Variants in PITPNB observed in about 807,000 individuals in gnomAD.
The protein encoded by PITPNB is phosphatidylinositol transfer protein beta isoform.
A neutral mutation model predicts 45.9 loss-of-function variants in PITPNB; 16 were observed. The ratio of observed to expected loss-of-function variants is 0.35; its 90% CI spans 0.24 to 0.53. PITPNB has a LOEUF of 0.53. PITPNB is among the 20% of genes least tolerant of loss of function. PITPNB has a pLI of 0.93. For missense variants in PITPNB, 188 were observed against 330.5 expected (o/e 0.57, Z 3.34); for synonymous variants, 112 against 108.9 (o/e 1.03, Z -0.18).
chr22:27,911,270 C>T (rs188144209), intron 2 of PITPNB, among the ~76,000 whole-genome samples, 161 bp from the exon 3 acceptor site: 20 of 152,254 alleles, frequency 1.3e-4, no homozygotes, highest in Admixed American at 1.2e-3. Context: ...GAAATTAATA[C>T]GTTTAGGAAG....
At chr22:27,907,212 T>C (rs1227353280) in intron 3 of PITPNB, among the ~76,000 whole-genome samples, 1 of 152,254 alleles carries the variant, frequency 6.6e-6, no homozygotes, top group Non-Finnish European at 1.5e-5. Flanking sequence ...ACTATGGGTA[T>C]GTCTTCAGCA....
chr22:27,883,019 G>C (rs1050153048), intron 7 of PITPNB, among the ~76,000 whole-genome samples: 1 of 152,204 alleles, frequency 6.6e-6, no homozygotes, highest in Non-Finnish European at 1.5e-5. Flanking sequence ...ACATCTTTGG[G>C]TGTCCAATCC....
At chr22:27,894,382 C>A in intron 7 of PITPNB, 173 bp downstream of exon 7, 1 of 473,144 alleles carries the variant, frequency 2.1e-6, no homozygotes, top group Non-Finnish European at 3.8e-6. Flanking sequence ...TTACTCTGGT[C>A]TCTTTGCTGC....
At position 27,897,902 on chromosome 22, in the gene PITPNB, G is replaced by T. The variant is rs756918353; in HGVS notation, c.198-10C>A. On this transcript the variant is annotated splice_polypyrimidine_tract_variant and intron_variant, in intron 3 of 11. Coordinates refer to ENST00000335272, the MANE Select transcript of PITPNB (RefSeq NM_012399.5). ...GAATGCAGGCACTTTGCTGGGAGAA[G>T]AGAGATACTGGATATATTTAACAGC... is the stretch of plus-strand genomic sequence containing the variant. 2.6e-6 allele frequency: 4 copies of T among 1,566,580 alleles called. No individual in the cohort carries two copies. Among genetic ancestry groups the T allele is most frequent in the Non-Finnish European group, 3.5e-6 (4 of 1,136,774 alleles).
At chr22:27,871,304 C>G (rs1318209505) in intron 8 of PITPNB, among the ~76,000 whole-genome samples, 1 of 152,178 alleles carries the variant, frequency 6.6e-6, no homozygotes, top group Non-Finnish European at 1.5e-5. Context: ...AGGATCTGAG[C>G]CCAAACATAA....
intron 3 of PITPNB, among the ~76,000 whole-genome samples, chr22:27,903,286 A>G (rs2146413536): frequency 6.6e-6 from 1 of 152,046 alleles, no homozygotes; most frequent in East Asian, 1.9e-4. Context: ...CCTGACCAAC[A>G]TGGAGAAACC....
rs190017427 is a variant in PITPNB, at chr22:27,907,240, A to G, written c.197+3724T>C. 3.9e-3 allele frequency among the ~76,000 whole-genome samples: 596 copies of G among 152,354 alleles called. 2 individuals are homozygous for G. The highest frequency in any genetic ancestry group is 0.01 in the Middle Eastern group (3 of 294). ...CTTCAGCATGCTGAGATGATGCCCT[A>G]AAGAAAACTGTGAGTCTCATGGGGC... is the stretch of plus-strand genomic sequence containing the variant. On this transcript the variant is annotated intron_variant, in intron 3 of 11. Transcript: ENST00000335272.
chr22:27,913,505 T>C (rs1935994080), intron 2 of PITPNB, among the ~76,000 whole-genome samples: 1 of 152,350 alleles, frequency 6.6e-6, no homozygotes, highest in South Asian at 2.1e-4. Context: ...TCTGCTCTTA[T>C]CTTCATTCTT....
In PITPNB at chr22:27,910,845, C is replaced by T. The variant is rs1280621812; in HGVS notation, c.197+119G>A. ...GAGGTTCTGCCAAAGAATTAAAATGCAATATATTATCAAACTGAAATTAAA... is the reference window on the plus strand; with the variant it reads ...GAGGTTCTGCCAAAGAATTAAAATGTAATATATTATCAAACTGAAATTAAA... On this transcript the variant is annotated intron_variant, in intron 3 of 11. Transcript: ENST00000335272. 1.3e-5 allele frequency: 9 copies of T among 690,774 alleles called. No individual in the cohort carries two copies. The African/African-American group carries it at 1.6e-4, about 12-fold the overall frequency. 42.8% of individuals were successfully genotyped at this position (690,774 alleles called of 1,614,324 possible).
intron 7 of PITPNB, among the ~76,000 whole-genome samples, chr22:27,874,175 C>T (rs562128878): frequency 1.3e-5 from 2 of 152,296 alleles, no homozygotes; most frequent in South Asian, 2.1e-4. Flanking sequence ...ATAAAACATA[C>T]CCATCCCAGT....
intron 7 of PITPNB, among the ~76,000 whole-genome samples, chr22:27,886,244 A>C (rs1935119673): frequency 6.6e-6 from 1 of 152,242 alleles, no homozygotes; most frequent in Non-Finnish European, 1.5e-5. Context: ...CAGAAATCCC[A>C]GACTACTTGG....
intron 3 of PITPNB, among the ~76,000 whole-genome samples, chr22:27,907,958 A>G (rs1214994502): frequency 6.6e-6 from 1 of 151,892 alleles, no homozygotes; most frequent in Non-Finnish European, 1.5e-5. Context: ...GTTGTTCTAG[A>G]AGCCCAAATG....
intron 7 of PITPNB, among the ~76,000 whole-genome samples, chr22:27,878,666 A>G (rs889263874): frequency 6.6e-6 from 1 of 152,244 alleles, no homozygotes; most frequent in African/African-American, 2.4e-5. Flanking sequence ...ATCTATGAAA[A>G]AAAGATTTGC....
At chr22:27,890,439 A>T (rs1301525603) in intron 7 of PITPNB, among the ~76,000 whole-genome samples, 3 of 152,020 alleles carry the variant, frequency 2.0e-5, no homozygotes, top group Non-Finnish European at 4.4e-5. Context: ...CATTAGACGA[A>T]AAGCTCCTGT....
intron 3 of PITPNB, among the ~76,000 whole-genome samples, chr22:27,909,613 A>C (rs1485372983): frequency 1.3e-5 from 2 of 152,200 alleles, no homozygotes; most frequent in Non-Finnish European, 2.9e-5. Context: ...AAAAATTAAA[A>C]AGAAAAATAT....
chr22:27,857,936 A>T (rs1934219063), intron 10 of PITPNB, among the ~76,000 whole-genome samples: 2 of 152,202 alleles, frequency 1.3e-5, no homozygotes, highest in Admixed American at 1.3e-4. Context: ...CATTTCCAGA[A>T]TTAGTAACAA....
At chr22:27,908,566 C>T (rs953582846) in intron 3 of PITPNB, among the ~76,000 whole-genome samples, 1 of 151,890 alleles carries the variant, frequency 6.6e-6, no homozygotes, top group Non-Finnish European at 1.5e-5. Context: ...AACTTTTTGG[C>T]TTATTTTAGA....
chr22:27,905,836 C>T (rs551159472), intron 3 of PITPNB, among the ~76,000 whole-genome samples: 2 of 152,272 alleles, frequency 1.3e-5, no homozygotes, highest in East Asian at 3.9e-4. Context: ...TCAGTGTGTT[C>T]GTACAGTGAG....
chr22:27,877,199 T>C (rs1182725892), intron 7 of PITPNB, among the ~76,000 whole-genome samples: 2 of 152,260 alleles, frequency 1.3e-5, no homozygotes, highest in Non-Finnish European at 2.9e-5. Flanking sequence ...ATTTTAATTA[T>C]CTGTATAATG....
Sources: gnomAD v4.1 joint callset for allele counts (sites outside exome capture counted in the v4.1 genomes callset) on GRCh38, gnomAD v4.1.1 for gene constraint, MANE v1.5 for transcripts, NCBI Gene and HGNC (gene_info 2026-07-23, HGNC 2026-07-21) for gene names.